Variants in KCNAB1 observed in about 807,000 individuals in gnomAD.
KCNAB1 encodes the protein potassium voltage-gated channel subfamily A regulatory beta subunit 1.
A neutral mutation model predicts 64.6 loss-of-function variants in KCNAB1; 35 were observed. The ratio of observed to expected loss-of-function variants is 0.54; its 90% confidence interval spans 0.41 to 0.72. The LOEUF (loss-of-function observed/expected upper bound fraction) is 0.72, where lower values mean the gene tolerates loss of function less well. Ranked by LOEUF, KCNAB1 falls within the 30% of genes least tolerant of loss-of-function variation. The probability of loss-of-function intolerance (pLI) is 0.00; values close to 1 mark genes in which losing one functional copy is unlikely to be tolerated. For missense variants in KCNAB1, 401 were observed against 512.9 expected (o/e 0.78, Z 2.11); for synonymous variants, 177 against 183.8 (o/e 0.96, Z 0.30).
intron 5 of KCNAB1, among the ~76,000 whole-genome samples, chr3:156,461,978 G>T (rs984094910): frequency 6.6e-6 from 1 of 152,228 alleles, no homozygotes; most frequent in Non-Finnish European, 1.5e-5. Context: ...CCACTTGCTA[G>T]CTGTGTTATC....
chr3:156,127,918 T>TGTGC lies in KCNAB1; in HGVS notation c.275+7033_275+7034insTGCG, dbSNP rs33965119. On this transcript the variant is annotated intron_variant, in intron 1 of 13. Transcript: ENST00000490337. The stretch of plus-strand genomic sequence containing the variant: ...GTGTGTGTGTGTGTGTGTGTGTGTG[T>TGTGC]GCACGTGCGTGCGCACCTGGTTTCT... Among the ~76,000 whole-genome samples, 10 of 149,954 alleles carry TGTGC rather than the reference T, an allele frequency of 6.7e-5. No homozygotes were observed. In the South Asian group the frequency reaches 1.5e-3, roughly 22 times the overall value.
At chr3:156,325,455 A>C (rs1722909467) in intron 1 of KCNAB1, among the ~76,000 whole-genome samples, 1 of 152,164 alleles carries the variant, frequency 6.6e-6, no homozygotes, top group East Asian at 1.9e-4. Flanking sequence ...AGGAAGAGGA[A>C]GTGGATACTA....
At chr3:156,283,845 T>G (rs1033413267) in intron 1 of KCNAB1, among the ~76,000 whole-genome samples, 12 of 151,976 alleles carry the variant, frequency 7.9e-5, no homozygotes, top group East Asian at 1.9e-4. Context: ...CTCTGTATTG[T>G]TTATTCTAGT....
At chr3:156,188,045 C>CT (rs71624583) in intron 1 of KCNAB1, among the ~76,000 whole-genome samples, 22,279 of 152,158 alleles carry the variant, frequency 0.15, 1,813 homozygotes, top group African/African-American at 0.18. Flanking sequence ...CATTCATTCT[C>CT]TTTATAGCTT....
At chr3:156,460,166 C>T in intron 5 of KCNAB1, 1 of 320,128 alleles carries the variant, frequency 3.1e-6, no homozygotes, top group Non-Finnish European at 5.7e-6. Context: ...TTCTGACTGC[C>T]ATTTGTGCTA....
At chr3:156,319,768 T>C (rs545637196) in intron 1 of KCNAB1, among the ~76,000 whole-genome samples, 1 of 152,354 alleles carries the variant, frequency 6.6e-6, no homozygotes, top group East Asian at 1.9e-4. Flanking sequence ...CCACATCTCC[T>C]ATTGGATATT....
intron 11 of KCNAB1, among the ~76,000 whole-genome samples, chr3:156,522,731 C>T (rs765207921): frequency 1.4e-4 from 22 of 152,158 alleles, no homozygotes; most frequent in Non-Finnish European, 3.2e-4. Flanking sequence ...AAACAAAAGC[C>T]AGCAGCCTAT....
chr3:156,163,871 C>T (rs955246066), intron 1 of KCNAB1, among the ~76,000 whole-genome samples: 5 of 152,190 alleles, frequency 3.3e-5, no homozygotes, highest in African/African-American at 7.2e-5. Flanking sequence ...AAATGTTGCA[C>T]GGATGCCATG....
At chr3:156,312,700 C>A (rs1224706055) in intron 1 of KCNAB1, among the ~76,000 whole-genome samples, 3 of 46,652 alleles carry the variant, frequency 6.4e-5, no homozygotes, top group African/African-American at 1.3e-4. Context: ...GTGAGACTGT[C>A]TCCAAAAAAA....
chr3:156,301,130 C>A (rs1193265685), intron 1 of KCNAB1, among the ~76,000 whole-genome samples: 1 of 152,120 alleles, frequency 6.6e-6, no homozygotes, highest in East Asian at 1.9e-4. Flanking sequence ...GTAAGAAATG[C>A]AAGATTTTTC....
intron 1 of KCNAB1, chr3:156,143,289 T>C: frequency 1.2e-6 from 2 of 1,613,836 alleles, no homozygotes; most frequent in Non-Finnish European, 8.5e-7. Context: ...TGACCAAGAC[T>C]CAGCCTCAGG....
chr3:156,326,004 A>G (rs754813686), intron 1 of KCNAB1, among the ~76,000 whole-genome samples: 4 of 152,178 alleles, frequency 2.6e-5, no homozygotes, highest in Admixed American at 6.6e-5. Context: ...AAATAATCAT[A>G]GAATAGCCAG....
intron 1 of KCNAB1, among the ~76,000 whole-genome samples, chr3:156,258,901 A>G (rs1718264101): frequency 6.6e-6 from 1 of 152,234 alleles, no homozygotes; most frequent in African/African-American, 2.4e-5. Flanking sequence ...CTTTAGCTGT[A>G]GAATGGCAAA....
At chr3:156,233,735 G>A (rs926711742) in intron 1 of KCNAB1, among the ~76,000 whole-genome samples, 2 of 151,970 alleles carry the variant, frequency 1.3e-5, no homozygotes, top group Non-Finnish European at 2.9e-5. Flanking sequence ...GAGTGGTCAG[G>A]CTCTGGATCT....
At chr3:156,228,367 G>A (rs1716311995) in intron 1 of KCNAB1, among the ~76,000 whole-genome samples, 1 of 152,192 alleles carries the variant, frequency 6.6e-6, no homozygotes, top group Non-Finnish European at 1.5e-5. Flanking sequence ...CATAGGAGCA[G>A]CAGTTGATGG....
chr3:156,518,831 A>G (rs1287056299), intron 11 of KCNAB1, among the ~76,000 whole-genome samples: 2 of 152,186 alleles, frequency 1.3e-5, no homozygotes, highest in African/African-American at 2.4e-5. Flanking sequence ...TGAACTGCAC[A>G]GCACTCCTTC....
At chr3:156,378,956 G>T (rs73873346) in intron 1 of KCNAB1, among the ~76,000 whole-genome samples, 2,468 of 152,284 alleles carry the variant, frequency 0.016, 63 homozygotes, top group African/African-American at 0.056. Flanking sequence ...GGAGTCAAAG[G>T]CTGTCTCTGA....
At chr3:156,315,270 T>C (rs1722200383) in intron 1 of KCNAB1, among the ~76,000 whole-genome samples, 2 of 151,918 alleles carry the variant, frequency 1.3e-5, no homozygotes, top group South Asian at 4.2e-4. Context: ...AAGGAGGCCA[T>C]CATCATCTAT....
At chr3:156,235,550 G>A (rs1399945921) in intron 1 of KCNAB1, among the ~76,000 whole-genome samples, 1 of 152,200 alleles carries the variant, frequency 6.6e-6, no homozygotes, top group Non-Finnish European at 1.5e-5. Flanking sequence ...TGGCCCACGT[G>A]GCTGACCCAA....
Sources: gnomAD v4.1 joint callset for allele counts (sites outside exome capture counted in the v4.1 genomes callset) on GRCh38, gnomAD v4.1.1 for gene constraint, MANE v1.5 for transcripts, NCBI Gene and HGNC (gene_info 2026-07-23, HGNC 2026-07-21) for gene names.